MARCHF1: variants seen among roughly 807,000 people sequenced by gnomAD.
MARCHF1 encodes the protein membrane associated ring-CH-type finger 1.
In MARCHF1, 40 loss-of-function variants were observed where a neutral mutation model predicts 54.2. The observed-to-expected ratio is 0.74, with a 90% CI of 0.57 to 0.96. The LOEUF (loss-of-function observed/expected upper bound fraction) is 0.96. Among genes scored for constraint, MARCHF1 ranks in the 40% least tolerant of loss-of-function variants. The probability of loss-of-function intolerance (pLI) is 0.00; values close to 1 mark genes in which losing one functional copy is unlikely to be tolerated. For synonymous variants in MARCHF1, 236 were observed against 236.3 expected, an observed-to-expected ratio of 1.00 and a Z score of 0.01; for missense variants, 586 against 656.5, an observed-to-expected ratio of 0.89 and a Z score of 1.17.
At chr4:164,122,622 GC>G (rs1028151691) in intron 1 of MARCHF1, among the ~76,000 whole-genome samples, 6 of 151,880 alleles carry the variant, frequency 4.0e-5, no homozygotes, top group East Asian at 3.9e-4. Context: ...CGCATCCACT[GC>G]CCACCAGTCT....
chr4:163,889,919 CTT>C (rs146357456), intron 3 of MARCHF1, among the ~76,000 whole-genome samples: 2,853 of 117,236 alleles, frequency 0.024, 52 homozygotes, highest in Middle Eastern at 0.044. Context: ...TATTTATTTT[CTT>C]TTTTCTTTTT....
At chr4:163,920,601 C>A (rs541628188) in intron 3 of MARCHF1, among the ~76,000 whole-genome samples, 1 of 152,222 alleles carries the variant, frequency 6.6e-6, no homozygotes, top group African/African-American at 2.4e-5. Flanking sequence ...CTCTTTGGTC[C>A]AGGGAGAACT....
At chr4:163,900,314 T>C (rs919216719) in intron 3 of MARCHF1, among the ~76,000 whole-genome samples, 1 of 151,714 alleles carries the variant, frequency 6.6e-6, no homozygotes, top group Non-Finnish European at 1.5e-5. Flanking sequence ...GACATCGTTA[T>C]GTTCCTACCC....
chr4:164,159,816 G>A (rs1333042176), intron 1 of MARCHF1, among the ~76,000 whole-genome samples: 1 of 152,128 alleles, frequency 6.6e-6, no homozygotes, highest in Admixed American at 6.6e-5. Context: ...CTCAGCATTG[G>A]AGCTAAACCG....
At chr4:163,833,012 C>A (rs1037805569) in intron 4 of MARCHF1, among the ~76,000 whole-genome samples, 2 of 151,924 alleles carry the variant, frequency 1.3e-5, no homozygotes, top group Admixed American at 1.3e-4. Context: ...TGGGTTGGTT[C>A]CAAGTCTTTG....
intron 2 of MARCHF1, among the ~76,000 whole-genome samples, chr4:164,036,112 A>G (rs200146460): frequency 3.3e-5 from 4 of 123,030 alleles, no homozygotes; most frequent in Admixed American, 8.2e-5. Flanking sequence ...CAAAAAAAAA[A>G]AAAACAAAAA....
At chr4:163,607,244 A>G (rs961454492) in intron 7 of MARCHF1, among the ~76,000 whole-genome samples, 2 of 152,100 alleles carry the variant, frequency 1.3e-5, no homozygotes, top group African/African-American at 4.8e-5. Flanking sequence ...ACTTAACAAA[A>G]CAGGTAGTGG....
At chr4:163,800,545 T>C (rs984949055) in intron 4 of MARCHF1, among the ~76,000 whole-genome samples, 16 of 152,010 alleles carry the variant, frequency 1.1e-4, no homozygotes, top group Non-Finnish European at 2.2e-4. Context: ...ATCTCCTCTC[T>C]GTATATTTAA....
intron 5 of MARCHF1, among the ~76,000 whole-genome samples, chr4:163,670,794 C>T (rs778145884): frequency 6.6e-6 from 1 of 152,154 alleles, no homozygotes; most frequent in Non-Finnish European, 1.5e-5. Context: ...CAATACTTAT[C>T]GAGAAACACA....
At chr4:164,238,478 T>C (rs1323808359) in intron 1 of MARCHF1, among the ~76,000 whole-genome samples, 2 of 152,106 alleles carry the variant, frequency 1.3e-5, no homozygotes, top group Non-Finnish European at 2.9e-5. Context: ...CATCCCTTGA[T>C]AGCCTTATAT....
chr4:163,852,846 C>T (rs539387273), intron 4 of MARCHF1, among the ~76,000 whole-genome samples: 6 of 152,118 alleles, frequency 3.9e-5, no homozygotes, highest in Non-Finnish European at 8.8e-5. Flanking sequence ...AAATCCTAAC[C>T]CCCAAGGTGA....
At chr4:164,339,808 C>T (rs983695249) in intron 1 of MARCHF1, among the ~76,000 whole-genome samples, 1 of 151,806 alleles carries the variant, frequency 6.6e-6, no homozygotes, top group Non-Finnish European at 1.5e-5. Context: ...ACAAAATCAA[C>T]AAACATTTAG....
intron 1 of MARCHF1, chr4:164,190,225 C>G (rs1231096172): frequency 1.4e-6 from 2 of 1,418,720 alleles, no homozygotes; most frequent in African/African-American, 1.4e-5. Flanking sequence ...GACTTCGAAG[C>G]TAACAAGAAG....
intron 8 of MARCHF1, chr4:163,584,117 A>G (rs922744854): frequency 1.3e-5 from 2 of 150,698 alleles, no homozygotes; most frequent in Admixed American, 6.7e-5. Flanking sequence ...GGTATACTAG[A>G]TACTACAAAA....
At chr4:164,190,853 G>C (rs1731105482) in intron 1 of MARCHF1, among the ~76,000 whole-genome samples, 1 of 152,160 alleles carries the variant, frequency 6.6e-6, no homozygotes, top group Non-Finnish European at 1.5e-5. Flanking sequence ...TTAGGGCAGA[G>C]GACACATTAC....
intron 8 of MARCHF1, among the ~76,000 whole-genome samples, chr4:163,554,104 G>A (rs1739204959): frequency 1.3e-5 from 2 of 152,208 alleles, no homozygotes; most frequent in Admixed American, 6.5e-5. Flanking sequence ...CACCAGTTGA[G>A]TAAAAAATAG....
At chr4:163,599,819 C>G (rs925519200) in intron 7 of MARCHF1, among the ~76,000 whole-genome samples, 1 of 152,202 alleles carries the variant, frequency 6.6e-6, no homozygotes, top group Non-Finnish European at 1.5e-5. Context: ...AGTCCAGGGA[C>G]TCTACTTAGA....
intron 3 of MARCHF1, among the ~76,000 whole-genome samples, chr4:163,981,603 G>T (rs1348142399): frequency 7.9e-5 from 12 of 152,098 alleles, no homozygotes; most frequent in Admixed American, 7.9e-4. Context: ...GGAATGAGCT[G>T]GGGGGAAAGC....
At chr4:163,578,296 C>T (rs1725733861) in intron 8 of MARCHF1, among the ~76,000 whole-genome samples, 1 of 152,054 alleles carries the variant, frequency 6.6e-6, no homozygotes, top group African/African-American at 2.4e-5. Flanking sequence ...CACAAGGTGA[C>T]ATTCTTACTA....
Sources: allele counts gnomAD v4.1 joint callset (sites outside exome capture counted in the v4.1 genomes callset), GRCh38; gene constraint gnomAD v4.1.1; transcripts MANE v1.5; gene names NCBI Gene and HGNC (gene_info 2026-07-23, HGNC 2026-07-21).